Variants in RTL4 observed in about 807,000 individuals in gnomAD.
RTL4 encodes retrotransposon Gag-like protein 4.
A neutral mutation model predicts 5.3 loss-of-function variants in RTL4; 4 were observed. The ratio of observed to expected loss-of-function variants is 0.75; its 90% CI spans 0.37 to 1.72. The LOEUF (loss-of-function observed/expected upper bound fraction) is 1.72, where lower values mean the gene tolerates loss of function less well. RTL4 is among the 40% of genes most tolerant of loss of function. The pLI, the probability that RTL4 is intolerant of heterozygous loss-of-function variation, is 0.04. For synonymous variants in RTL4, 98 were observed against 87.3 expected (o/e 1.12, Z -0.68); for missense variants, 260 against 227.1 (o/e 1.14, Z -0.93).
At chrX:112,337,330 CTGGA>C in the RTL4 span, among the ~76,000 whole-genome samples, 2 of 111,751 alleles carry the variant, frequency 1.8e-5, no homozygotes, top group African/African-American at 3.3e-5. Flanking sequence ...GTTGCCCAGG[CTGGA>C]GTGCAGGGGC....
chrX:112,120,280 G>GTTTGT, the RTL4 span, among the ~76,000 whole-genome samples: 2 of 112,085 alleles, frequency 1.8e-5, no homozygotes, highest in African/African-American at 6.5e-5. Flanking sequence ...TTGTTTGTTT[G>GTTTGT]TTTGTTTTGT....
the RTL4 span, among the ~76,000 whole-genome samples, chrX:112,098,288 C>A: frequency 9.0e-6 from 1 of 110,609 alleles, no homozygotes. Flanking sequence ...AGGACATGAA[C>A]TCATCATTTT....
the RTL4 span, among the ~76,000 whole-genome samples, chrX:112,339,580 T>C: frequency 1.8e-5 from 2 of 112,237 alleles, no homozygotes; most frequent in African/African-American, 6.5e-5. Context: ...TCCATGAAAA[T>C]AAGAACCATG....
chrX:112,415,797 T>A, the RTL4 span, among the ~76,000 whole-genome samples: 2 of 111,715 alleles, frequency 1.8e-5, no homozygotes, highest in Non-Finnish European at 3.8e-5. Flanking sequence ...CTCAGAGATG[T>A]TAAATAATAT....
the RTL4 span, among the ~76,000 whole-genome samples, chrX:112,127,814 A>G: frequency 0.015 from 1,659 of 112,111 alleles, 25 homozygotes; most frequent in African/African-American, 0.051. Context: ...AAATAATTCA[A>G]TTTATAACAT....
At chrX:112,410,053 A>C in the RTL4 span, among the ~76,000 whole-genome samples, 1 of 112,190 alleles carries the variant, frequency 8.9e-6, no homozygotes, top group East Asian at 2.8e-4. Flanking sequence ...CCATGCAAAT[A>C]GAAATTTAAA....
chrX:112,232,417 T>C, the RTL4 span, among the ~76,000 whole-genome samples: 1 of 112,526 alleles, frequency 8.9e-6, no homozygotes, highest in Non-Finnish European at 1.9e-5. Context: ...AATGTTCAAA[T>C]GTTTCTATTT....
At chrX:112,249,400 G>A in the RTL4 span, among the ~76,000 whole-genome samples, 3 of 110,827 alleles carry the variant, frequency 2.7e-5, no homozygotes, top group African/African-American at 9.9e-5. Flanking sequence ...CTAATTTTAT[G>A]TGTCAACTTG....
At chrX:112,291,691 G>A in the RTL4 span, among the ~76,000 whole-genome samples, 24 of 109,995 alleles carry the variant, frequency 2.2e-4, no homozygotes, top group African/African-American at 7.3e-4. Context: ...CTGCCTCCCC[G>A]GTTCACGCCA....
At chrX:112,340,779 C>G in the RTL4 span, among the ~76,000 whole-genome samples, 1 of 110,783 alleles carries the variant, frequency 9.0e-6, no homozygotes, top group Admixed American at 9.6e-5. Context: ...TGCAGTGGTG[C>G]GATCTCAGCT....
At chrX:112,147,930 A>G in the RTL4 span, among the ~76,000 whole-genome samples, 1 of 110,588 alleles carries the variant, frequency 9.0e-6, no homozygotes, top group Non-Finnish European at 1.9e-5. Context: ...TGTTCCCTGA[A>G]CTCTCTTCCT....
the RTL4 span, among the ~76,000 whole-genome samples, chrX:112,341,039 G>A: frequency 2.7e-5 from 3 of 110,713 alleles, no homozygotes; most frequent in East Asian, 2.8e-4. Context: ...TTTTGAACAC[G>A]ACTAATTAAG....
chrX:112,292,465 T>C, the RTL4 span, among the ~76,000 whole-genome samples: 60 of 111,899 alleles, frequency 5.4e-4, no homozygotes, highest in Non-Finnish European at 1.0e-3. Context: ...CTTCCTCACA[T>C]TGAATATCCA....
chrX:112,329,744 G>C, the RTL4 span, among the ~76,000 whole-genome samples: 91 of 110,962 alleles, frequency 8.2e-4, no homozygotes, highest in African/African-American at 2.7e-3. Flanking sequence ...GATGAACATT[G>C]ATGCAAAAAT....
chrX:112,406,683 G>A, the RTL4 span, among the ~76,000 whole-genome samples: 9 of 111,050 alleles, frequency 8.1e-5, no homozygotes, highest in Admixed American at 8.6e-4. Flanking sequence ...GGCTAAAGGA[G>A]TGATGGCATC....
chrX:112,363,466 T>A, the RTL4 span, among the ~76,000 whole-genome samples: 1 of 110,384 alleles, frequency 9.1e-6, no homozygotes, highest in East Asian at 2.9e-4. Flanking sequence ...CACATCCGAG[T>A]CCATAGCAGT....
the RTL4 span, among the ~76,000 whole-genome samples, chrX:112,285,601 G>A: frequency 9.0e-6 from 1 of 111,526 alleles, no homozygotes; most frequent in African/African-American, 3.3e-5. Flanking sequence ...AAATAAAGAT[G>A]GATGGTATTC....
exon 1 of RTL4, chrX:112,455,116 C>G: frequency 8.3e-7 from 1 of 1,211,688 alleles, no homozygotes; most frequent in Non-Finnish European, 1.1e-6. Context: ...GAATCTTATT[C>G]TTGAGTTCCA....
the RTL4 span, among the ~76,000 whole-genome samples, chrX:112,328,875 C>A: frequency 2.9e-4 from 32 of 112,017 alleles, no homozygotes; most frequent in Non-Finnish European, 4.9e-4. Flanking sequence ...TGCTCAACTA[C>A]ATGGAAACTG....
Sources: allele counts gnomAD v4.1 joint callset (sites outside exome capture counted in the v4.1 genomes callset), GRCh38; gene constraint gnomAD v4.1.1; transcripts MANE v1.5; gene names NCBI Gene and HGNC (gene_info 2026-07-23, HGNC 2026-07-21).